The following CSMD1 variants were observed in gnomAD, a reference collection of about 807,000 sequenced individuals.
CSMD1 encodes CUB and Sushi multiple domains 1.
In CSMD1, 213 loss-of-function variants were observed where a neutral mutation model predicts 417.5. The ratio of observed to expected loss-of-function variants is 0.51; its 90% CI spans 0.46 to 0.57. CSMD1 has a LOEUF of 0.57. CSMD1 is among the 20% of genes least tolerant of loss of function. The pLI, the probability that CSMD1 is intolerant of heterozygous loss-of-function variation, is 0.00. For missense variants in CSMD1, 6,923 were observed against 4,529.7 expected, an observed-to-expected ratio of 1.53 and a Z score of -15.17; for synonymous variants, 2,862 against 1,736.8, an observed-to-expected ratio of 1.65 and a Z score of -16.11.
At chr8:4,272,604 A>T (rs554987868) in intron 3 of CSMD1, among the ~76,000 whole-genome samples, 9 of 152,268 alleles carry the variant, frequency 5.9e-5, no homozygotes, top group African/African-American at 2.2e-4. Context: ...CAGGGCTTTT[A>T]TGTGCCTGTT....
At position 4,836,804 on chromosome 8, in the gene CSMD1, G is replaced by T. The variant is rs534718965; in HGVS notation, c.85+157528C>A. On this transcript the variant is annotated intron_variant, in intron 1 of 69. Coordinates refer to ENST00000635120, the MANE Select transcript of CSMD1 (RefSeq NM_033225.6). The stretch of plus-strand genomic sequence containing the variant: ...TGTGTGGACACACTGATGTAATCGG[G>T]CCCTGTGTTAGTTTCAGCCAAGAAA... 3.1e-4 allele frequency among the ~76,000 whole-genome samples: 47 copies of T among 152,010 alleles called. 1 individual carries two copies. Among genetic ancestry groups the T allele is most frequent in the African/African-American group, 1.1e-3 (44 of 41,476 alleles).
At chr8:3,620,190 A>T (rs1802354008) in intron 7 of CSMD1, among the ~76,000 whole-genome samples, 1 of 152,166 alleles carries the variant, frequency 6.6e-6, no homozygotes, top group Non-Finnish European at 1.5e-5. Context: ...TACATCTAGG[A>T]AAACCATCCT....
intron 8 of CSMD1, among the ~76,000 whole-genome samples, chr8:3,594,612 G>A (rs1184025106): frequency 6.6e-6 from 1 of 152,114 alleles, no homozygotes; most frequent in Non-Finnish European, 1.5e-5. Flanking sequence ...TCCTTCCCCA[G>A]TAGATACAAT....
At chr8:3,786,981 G>T (rs913106862) in intron 5 of CSMD1, among the ~76,000 whole-genome samples, 3 of 152,168 alleles carry the variant, frequency 2.0e-5, no homozygotes, top group Admixed American at 2.0e-4. Context: ...ATCTAGATTA[G>T]ATGAGGGCAT....
At chr8:3,299,795 G>T (rs1367284186) in intron 25 of CSMD1, among the ~76,000 whole-genome samples, 1 of 152,158 alleles carries the variant, frequency 6.6e-6, no homozygotes, top group Non-Finnish European at 1.5e-5. Context: ...CCAATAAAAT[G>T]TTTGGAATAT....
intron 50 of CSMD1, among the ~76,000 whole-genome samples, chr8:3,051,829 C>T (rs13249456): frequency 0.49 from 74,766 of 151,954 alleles, 19,042 homozygotes; most frequent in Non-Finnish European, 0.56. Flanking sequence ...GTGAGTGGAA[C>T]TATTCTTCTG....
intron 10 of CSMD1, among the ~76,000 whole-genome samples, chr8:3,557,816 A>G (rs1375167861): frequency 6.6e-6 from 1 of 152,210 alleles, no homozygotes; most frequent in Admixed American, 6.5e-5. Context: ...TAGGTTGATT[A>G]TTAATAGCAT....
intron 2 of CSMD1, among the ~76,000 whole-genome samples, chr8:4,560,304 T>C (rs1032417213): frequency 2.0e-5 from 3 of 152,228 alleles, no homozygotes; most frequent in African/African-American, 7.2e-5. Context: ...GAAAGTTGTT[T>C]TGAAGACAAA....
At chr8:4,299,016 T>TA in intron 3 of CSMD1, among the ~76,000 whole-genome samples, 1 of 152,216 alleles carries the variant, frequency 6.6e-6, no homozygotes, top group South Asian at 2.1e-4. Context: ...ATTTGCCATT[T>TA]AAAAAGCAGA....
chr8:4,219,422 A>G (rs1378112060), intron 3 of CSMD1, among the ~76,000 whole-genome samples: 1 of 152,196 alleles, frequency 6.6e-6, no homozygotes, highest in East Asian at 1.9e-4. Flanking sequence ...CCTCCATGGT[A>G]ATTGGGCTCT....
At chr8:4,229,613 T>C (rs1282155972) in intron 3 of CSMD1, among the ~76,000 whole-genome samples, 3 of 152,182 alleles carry the variant, frequency 2.0e-5, no homozygotes, top group African/African-American at 4.8e-5. Context: ...CTTCCCCAGA[T>C]GCCCTCATAG....
chr8:3,784,747 C>G (rs551417320), intron 5 of CSMD1, among the ~76,000 whole-genome samples: 2 of 152,282 alleles, frequency 1.3e-5, no homozygotes, highest in East Asian at 3.9e-4. Flanking sequence ...CAATGCATGA[C>G]TAAGTAAAAT....
intron 50 of CSMD1, among the ~76,000 whole-genome samples, chr8:3,042,701 T>G (rs11988850): frequency 0.023 from 3,534 of 152,268 alleles, 149 homozygotes; most frequent in African/African-American, 0.08. Flanking sequence ...CAGTACTTCA[T>G]AGGTTTGTTA....
intron 62 of CSMD1, among the ~76,000 whole-genome samples, chr8:2,959,419 C>A (rs1007210991): frequency 6.6e-6 from 1 of 152,168 alleles, no homozygotes; most frequent in African/African-American, 2.4e-5. Flanking sequence ...CTATCAGGAA[C>A]GGTGTCCATC....
At chr8:4,211,560 C>T (rs1043547325) in intron 3 of CSMD1, among the ~76,000 whole-genome samples, 1 of 152,104 alleles carries the variant, frequency 6.6e-6, no homozygotes, top group Non-Finnish European at 1.5e-5. Flanking sequence ...GAAATGTTTA[C>T]TCAAATTAGA....
chr8:3,288,120 T>G, intron 25 of CSMD1, among the ~76,000 whole-genome samples: 1 of 147,574 alleles, frequency 6.8e-6, no homozygotes, highest in Middle Eastern at 3.2e-3. Context: ...GATTTTCATT[T>G]GTTGAACAAG....
At chr8:3,567,478 AAAC>A (rs1360934846) in intron 10 of CSMD1, among the ~76,000 whole-genome samples, 1 of 150,700 alleles carries the variant, frequency 6.6e-6, no homozygotes, top group Non-Finnish European at 1.5e-5. Flanking sequence ...AGTAAATAAA[AAAC>A]AACAAAAGGA....
chr8:4,438,881 G>C (rs572302604), intron 2 of CSMD1, among the ~76,000 whole-genome samples: 5 of 152,288 alleles, frequency 3.3e-5, no homozygotes, highest in African/African-American at 4.8e-5. Flanking sequence ...GAAAGCATTA[G>C]ATTACCAAAG....
intron 12 of CSMD1, among the ~76,000 whole-genome samples, chr8:3,455,750 C>A (rs1816081376): frequency 6.6e-6 from 1 of 152,236 alleles, no homozygotes; most frequent in Non-Finnish European, 1.5e-5. Context: ...TTACGCTACT[C>A]AGGGGTCAGG....
Sources: allele counts gnomAD v4.1 joint callset (sites outside exome capture counted in the v4.1 genomes callset), GRCh38; gene constraint gnomAD v4.1.1; transcripts MANE v1.5; gene names NCBI Gene and HGNC (gene_info 2026-07-23, HGNC 2026-07-21).